PDE11A: variants seen among roughly 807,000 people sequenced by gnomAD.
The protein encoded by PDE11A is dual 3',5'-cyclic-AMP and -GMP phosphodiesterase 11A.
A neutral mutation model predicts 100.5 loss-of-function variants in PDE11A; 100 were observed. The observed-to-expected ratio is 1.00, with a 90% confidence interval of 0.85 to 1.18. The LOEUF (loss-of-function observed/expected upper bound fraction) is 1.18, where lower values mean the gene tolerates loss of function less well. Ranked by LOEUF, PDE11A falls within the 50% of genes most tolerant of loss-of-function variation. PDE11A has a pLI of 0.00. For synonymous variants in PDE11A, 381 were observed against 420.8 expected, an observed-to-expected ratio of 0.91 and a Z score of 1.16; for missense variants, 1,141 against 1,152.6, an observed-to-expected ratio of 0.99 and a Z score of 0.15.
chr2:177,797,736 C>T (rs1381055032), intron 9 of PDE11A, among the ~76,000 whole-genome samples: 2 of 152,044 alleles, frequency 1.3e-5, no homozygotes, highest in Non-Finnish European at 2.9e-5. Context: ...ACAGTGGTGG[C>T]AAATCATTTG....
At chr2:177,756,741 CCACAAA>C (rs2082095920) in intron 10 of PDE11A, among the ~76,000 whole-genome samples, 1 of 152,182 alleles carries the variant, frequency 6.6e-6, no homozygotes, top group South Asian at 2.1e-4. Flanking sequence ...CTGTTAGCGC[CCACAAA>C]CATGTCCCTT....
chr2:177,722,515 A>G (rs2081545555), intron 12 of PDE11A, among the ~76,000 whole-genome samples: 1 of 152,178 alleles, frequency 6.6e-6, no homozygotes, highest in African/African-American at 2.4e-5. Flanking sequence ...ATAAATGTGG[A>G]TAAAGGCAAT....
chr2:178,101,213 T>A (rs754100855), intron 2 of PDE11A, among the ~76,000 whole-genome samples: 2 of 152,198 alleles, frequency 1.3e-5, no homozygotes, highest in Non-Finnish European at 2.9e-5. Flanking sequence ...AATTTATTAC[T>A]AGAACAACTC....
intron 2 of PDE11A, among the ~76,000 whole-genome samples, chr2:177,926,284 T>C (rs756933558): frequency 1.9e-4 from 29 of 152,242 alleles, no homozygotes; most frequent in Non-Finnish European, 3.5e-4. Flanking sequence ...TAAATTTTTT[T>C]AAAGTTAAAA....
upstream of PDE11A, among the ~76,000 whole-genome samples, chr2:178,073,908 G>C (rs1404392757): frequency 1.3e-5 from 2 of 151,678 alleles, no homozygotes; most frequent in Admixed American, 1.3e-4. Context: ...TATGTGTCAG[G>C]GTTTTTTTTT....
At chr2:177,672,648 C>G (rs530847098) in intron 17 of PDE11A, among the ~76,000 whole-genome samples, 13 of 152,068 alleles carry the variant, frequency 8.5e-5, no homozygotes, top group Non-Finnish European at 4.4e-5. Context: ...GATTAGAAAA[C>G]AAAATGTTAG....
intron 2 of PDE11A, chr2:177,998,640 A>G: frequency 1.6e-6 from 2 of 1,289,678 alleles, no homozygotes; most frequent in East Asian, 2.3e-5. Flanking sequence ...TTGAGCTGCT[A>G]ATCGTTTTTC....
In PDE11A at chr2:177,707,155, C is replaced by T. The variant is rs564274267; in HGVS notation, c.2153+4614G>A. On this transcript the variant is annotated intron_variant, in intron 13 of 19. Transcript: ENST00000286063. Reference sequence around the variant, plus strand: ...AGACAGCCCTGGTCCAGGCTCCAGTCTACCACATGAATGGATTTGGGCAAG... The same window carrying T: ...AGACAGCCCTGGTCCAGGCTCCAGTTTACCACATGAATGGATTTGGGCAAG... Among the ~76,000 whole-genome samples the T allele has an allele frequency of 9.8e-5, 15 of 152,292 alleles. No individual in the cohort carries two copies. The South Asian group carries it at 3.1e-3, about 32-fold the overall frequency.
At chr2:177,702,938 A>C (rs2081222990) in intron 13 of PDE11A, among the ~76,000 whole-genome samples, 1 of 152,116 alleles carries the variant, frequency 6.6e-6, no homozygotes, top group Non-Finnish European at 1.5e-5. Context: ...TTAATACTTA[A>C]TGTTAGTTAC....
intron 17 of PDE11A, among the ~76,000 whole-genome samples, chr2:177,670,686 G>T (rs1212280158): frequency 6.6e-6 from 1 of 152,174 alleles, no homozygotes; most frequent in Non-Finnish European, 1.5e-5. Context: ...ACAGTATCAA[G>T]ATAATTTAAC....
At chr2:177,823,068 T>C (rs145417091) in intron 6 of PDE11A, among the ~76,000 whole-genome samples, 42 of 152,336 alleles carry the variant, frequency 2.8e-4, no homozygotes, top group African/African-American at 9.9e-4. Flanking sequence ...ATGTGATTTT[T>C]CCTTTTTTAT....
At chr2:177,676,181 C>G (rs2080770300) in intron 16 of PDE11A, 1 of 161,046 alleles carries the variant, frequency 6.2e-6, no homozygotes, top group African/African-American at 2.4e-5. Context: ...TTTTGAGGGG[C>G]AGGGTTAACC....
At chr2:177,870,843 G>A (rs572475303) in intron 5 of PDE11A, among the ~76,000 whole-genome samples, 1 of 152,264 alleles carries the variant, frequency 6.6e-6, no homozygotes, top group South Asian at 2.1e-4. Context: ...TTTTAACTGA[G>A]CTTAAGAGCT....
intron 2 of PDE11A, among the ~76,000 whole-genome samples, chr2:177,957,778 A>G (rs1013243130): frequency 6.6e-6 from 1 of 152,182 alleles, no homozygotes; most frequent in African/African-American, 2.4e-5. Context: ...AACAAGAGCA[A>G]TACATGTTAT....
chr2:177,796,649 G>T (rs1296598110), intron 9 of PDE11A, among the ~76,000 whole-genome samples: 6 of 152,122 alleles, frequency 3.9e-5, no homozygotes, highest in Admixed American at 3.9e-4. Flanking sequence ...GCAGCATCCT[G>T]GTACTGTCCC....
intron 15 of PDE11A, among the ~76,000 whole-genome samples, chr2:177,692,110 A>G (rs2081048878): frequency 6.6e-6 from 1 of 152,288 alleles, no homozygotes; most frequent in South Asian, 2.1e-4. Flanking sequence ...GACATTAATA[A>G]TAGTACCTAT....
Position 177,834,428 on chromosome 2 carries a change from G to C in PDE11A, c.1500+5823C>G, listed in dbSNP as rs377623680. ...TTTCCATGGATTTTCCTTCATTTTT[G>C]GGGGAATGTATTGGCACCTATCTTT... On this transcript the variant is annotated intron_variant, in intron 6 of 19. Coordinates refer to ENST00000286063, the MANE Select transcript of PDE11A (RefSeq NM_016953.4). Among the ~76,000 whole-genome samples, 23 of 152,192 alleles carry C rather than the reference G, an allele frequency of 1.5e-4. 1 individual carries two copies. Among genetic ancestry groups the C allele is most frequent in the African/African-American group, 5.5e-4 (23 of 41,516 alleles).
At chr2:177,912,439 C>G (rs922279162) in intron 2 of PDE11A, among the ~76,000 whole-genome samples, 4 of 152,200 alleles carry the variant, frequency 2.6e-5, no homozygotes, top group African/African-American at 9.6e-5. Context: ...CATCTATTCT[C>G]TTTGACTTTT....
intron 10 of PDE11A, among the ~76,000 whole-genome samples, chr2:177,752,427 C>T (rs2082037559): frequency 6.6e-6 from 1 of 152,096 alleles, no homozygotes. Flanking sequence ...CTTATTTTAC[C>T]TCCTTAGGCT....
Sources: gnomAD v4.1 joint callset for allele counts (sites outside exome capture counted in the v4.1 genomes callset) on GRCh38, gnomAD v4.1.1 for gene constraint, MANE v1.5 for transcripts, NCBI Gene and HGNC (gene_info 2026-07-23, HGNC 2026-07-21) for gene names.